Variants in ABR observed in about 807,000 individuals in gnomAD.
ABR encodes active breakpoint cluster region-related protein.
A neutral mutation model predicts 107.2 loss-of-function variants in ABR; 35 were observed. The observed-to-expected ratio is 0.33, with a 90% CI of 0.25 to 0.43. The LOEUF is 0.43. ABR is among the 20% of genes least tolerant of loss of function. ABR has a pLI of 1.00. For missense variants in ABR, 815 were observed against 1,115.2 expected (o/e 0.73, Z 3.83); for synonymous variants, 498 against 462.0 (o/e 1.08, Z -1.00).
intron 1 of ABR, among the ~76,000 whole-genome samples, chr17:1,171,912 G>A (rs1039495434): frequency 2.6e-5 from 4 of 152,068 alleles, no homozygotes; most frequent in East Asian, 1.9e-4. Context: ...CCTGGGCAAC[G>A]AGAGTGAAAA....
At chr17:1,006,258 T>G in intron 22 of ABR, 89 bp from the exon 23 acceptor site, 1 of 1,212,936 alleles carries the variant, frequency 8.2e-7, no homozygotes, top group Non-Finnish European at 1.2e-6. Context: ...TCCCACTCCC[T>G]AGACTGGCTC....
At chr17:1,169,752 G>A (rs2041639284) in intron 1 of ABR, among the ~76,000 whole-genome samples, 1 of 152,214 alleles carries the variant, frequency 6.6e-6, no homozygotes, top group South Asian at 2.1e-4. Flanking sequence ...TCGATGCTCA[G>A]TGGCCTGATT....
At chr17:1,170,890 A>G (rs1263539853) in intron 1 of ABR, among the ~76,000 whole-genome samples, 1 of 152,096 alleles carries the variant, frequency 6.6e-6, no homozygotes, top group Non-Finnish European at 1.5e-5. Context: ...CACAGTTCCC[A>G]AAGAGGCTCC....
At chr17:1,215,822 C>G (rs1423133790) in intron 1 of ABR, among the ~76,000 whole-genome samples, 4 of 152,102 alleles carry the variant, frequency 2.6e-5, no homozygotes, top group African/African-American at 9.7e-5. Flanking sequence ...CCATTTTGTT[C>G]TGTACTGGGA....
At position 1,058,846 on chromosome 17, in the gene ABR, G is replaced by C; in HGVS notation, c.1204C>G (p.Arg402Gly). 1 of 1,614,152 alleles carries C rather than the reference G, an allele frequency of 6.2e-7. No individual in the cohort carries two copies. Among genetic ancestry groups the C allele is most frequent in the Non-Finnish European group, 8.5e-7 (1 of 1,180,030 alleles). ...TTCTTCTTCAGGCGCTCGATGGCCC[G>C]GCTCTGGCCTTTGTTGGCTTTCTGC... is the stretch of plus-strand genomic sequence containing the variant. ...QKEKANKGQS[R>G]AIERLKKKMF... The change falls in exon 11 of 23, where the codon CGG becomes GGG. Residue 402 changes from arginine (R) to glycine (G), a missense_variant. Physicochemically the swap from Arg to Gly is moderately radical, Grantham distance 125. This residue lies in a region of ABR where 385 missense variants were observed against 596.9 expected (regional missense o/e 0.64). Coordinates refer to ENST00000302538, the MANE Select transcript of ABR (RefSeq NM_021962.5).
intron 1 of ABR, among the ~76,000 whole-genome samples, chr17:1,165,895 G>A (rs1323523651): frequency 6.6e-6 from 1 of 152,146 alleles, no homozygotes; most frequent in African/African-American, 2.4e-5. Flanking sequence ...TGAGTCCAGG[G>A]CGTAGACCCC....
At chr17:1,097,451 C>T (rs953114894) in intron 3 of ABR, among the ~76,000 whole-genome samples, 7 of 151,848 alleles carry the variant, frequency 4.6e-5, no homozygotes, top group South Asian at 2.1e-4. Flanking sequence ...ATTAGCTGGG[C>T]GTGGTGGTGG....
intron 1 of ABR, among the ~76,000 whole-genome samples, chr17:1,227,738 C>T (rs1410985009): frequency 6.6e-6 from 1 of 152,124 alleles, no homozygotes; most frequent in Non-Finnish European, 1.5e-5. Context: ...TTCCGCGTGG[C>T]TGAGGAGACC....
chr17:1,214,941 C>A (rs2051064350), intron 1 of ABR, among the ~76,000 whole-genome samples: 2 of 151,994 alleles, frequency 1.3e-5, no homozygotes, highest in African/African-American at 4.8e-5. Flanking sequence ...TGCTCTTGAC[C>A]AGGTGGGGTG....
chr17:1,114,220 C>CA (rs2038876039), intron 2 of ABR, among the ~76,000 whole-genome samples: 1 of 146,584 alleles, frequency 6.8e-6, no homozygotes, highest in African/African-American at 2.5e-5. Context: ...CCTTTAATCC[C>CA]GCACTTTGGG....
At chr17:1,109,214 C>T (rs2038491474) in intron 2 of ABR, 1 of 1,133,862 alleles carries the variant, frequency 8.8e-7, no homozygotes, top group Non-Finnish European at 1.2e-6. Context: ...GACTGCATCC[C>T]GGACCTAGTC....
rs34146750 is a variant in ABR at position 1,078,104 on chromosome 17, G to GGTGTGTGTGTGTGTGTGT, written c.700+1208_700+1225dup. On this transcript the variant is annotated intron_variant, in intron 6 of 22. Coordinates refer to ENST00000302538, the MANE Select transcript of ABR (RefSeq NM_021962.5). The surrounding 1 kb of genome is among the most constrained non-coding windows in gnomAD (Gnocchi z 7.5). ...GTCCGGGTCCCTTCCACCGAAAGGT[G>GGTGTGTGTGTGTGTGTGT]GTGTGTGTGTGTGTGTGTGTGTGTG... Among the ~76,000 whole-genome samples, 5 of 148,482 alleles carry GGTGTGTGTGTGTGTGTGT rather than the reference G, an allele frequency of 3.4e-5. No homozygotes were observed. The highest frequency in any genetic ancestry group is 1.2e-4 in the African/African-American group (5 of 40,668).
chr17:1,032,867 C>G (rs568537036), intron 16 of ABR, among the ~76,000 whole-genome samples: 19 of 152,314 alleles, frequency 1.2e-4, no homozygotes, highest in African/African-American at 4.1e-4. Context: ...GACCCCAGCA[C>G]GGCACAGAAA....
chr17:1,140,396 G>A (rs1012991608), intron 1 of ABR, among the ~76,000 whole-genome samples: 2 of 152,170 alleles, frequency 1.3e-5, no homozygotes, highest in Non-Finnish European at 2.9e-5. Context: ...CACAGGTGTG[G>A]ATCTGGGAGG....
chr17:1,041,810 G>A (rs889941102), intron 16 of ABR, among the ~76,000 whole-genome samples: 15 of 152,150 alleles, frequency 9.9e-5, no homozygotes, highest in African/African-American at 2.4e-4. Flanking sequence ...TTGTTCCCGC[G>A]GCCTCAGGGT....
intron 1 of ABR, among the ~76,000 whole-genome samples, chr17:1,161,656 A>G (rs1429211283): frequency 6.6e-6 from 1 of 151,670 alleles, no homozygotes; most frequent in Admixed American, 6.6e-5. Flanking sequence ...CAGGGTTCAA[A>G]CAATTCTCCT....
intron 1 of ABR, among the ~76,000 whole-genome samples, chr17:1,139,107 TTC>T (rs61461981): frequency 0.16 from 24,357 of 152,150 alleles, 2,303 homozygotes; most frequent in African/African-American, 0.27. Flanking sequence ...GTAAAGGAAT[TTC>T]TCTTTCTTTT....
chr17:1,179,594 T>C lies in ABR; in HGVS notation c.61+73A>G. The stretch of plus-strand genomic sequence containing the variant: ...CCCGATCTTGGGGTCCCGATCCCGA[T>C]CCTGGGGTCCCGATCTCCATCCTGG... On this transcript the variant is annotated intron_variant, in intron 1 of 22. Transcript: ENST00000302538. The surrounding 1 kb of genome is among the most constrained non-coding windows in gnomAD (Gnocchi z 4.9). 1 of 1,388,710 alleles carries C rather than the reference T, an allele frequency of 7.2e-7. No individual in the cohort carries two copies. The highest frequency in any genetic ancestry group is 9.5e-7 in the Non-Finnish European group (1 of 1,056,446). 86.0% of individuals were successfully genotyped at this position (1,388,710 alleles called of 1,614,324 possible).
At chr17:1,009,837 G>A (rs1024342967) in intron 20 of ABR, 53 bp from the exon 21 acceptor site, 1 of 1,509,538 alleles carries the variant, frequency 6.6e-7, no homozygotes, top group East Asian at 2.3e-5. Context: ...TCCCCGCCAG[G>A]GCCCCTGTGG....
Sources: allele counts gnomAD v4.1 joint callset (sites outside exome capture counted in the v4.1 genomes callset), GRCh38; gene constraint gnomAD v4.1.1; regional missense constraint gnomAD v4.1.1; non-coding constraint Gnocchi (gnomAD v3.1); transcripts MANE v1.5; gene names NCBI Gene and HGNC (gene_info 2026-07-23, HGNC 2026-07-21).